INTS5: variants seen among roughly 807,000 people sequenced by gnomAD.
The protein encoded by INTS5 is KIAA1698.
A neutral mutation model predicts 60.0 loss-of-function variants in INTS5; 29 were observed. The observed-to-expected ratio is 0.48, with a 90% CI of 0.36 to 0.66. The LOEUF is 0.66. Ranked by LOEUF, INTS5 falls within the 30% of genes least tolerant of loss-of-function variation. The pLI is 0.00. For missense variants in INTS5, 1,129 were observed against 1,307.9 expected (o/e 0.86, Z 2.11); for synonymous variants, 588 against 558.8 (o/e 1.05, Z -0.74).
At position 62,649,097 on chromosome 11, in the gene INTS5, C is replaced by T. The variant is rs1373374218; in HGVS notation, c.983G>A (p.Arg328His). ...HDSLAGGSGG[R>H]SGDPSLQATV... ...GGCCTGAAGGGAGGGGTCCCCACTG[C>T]GGCCTCCAGATCCCCCTGCCAGGCT... The change falls in exon 2 of 2, where the codon CGC becomes CAC. Residue 328 changes from arginine (R) to histidine (H), a missense_variant. This residue lies in a region of INTS5 where 1,070 missense variants were observed against 1,246.1 expected (regional missense o/e 0.86). Transcript: ENST00000330574. This position sits in a 1 kb window ranked among gnomAD's most constrained non-coding sequence, Gnocchi z 6.0. The T allele has an allele frequency of 3.7e-6, 6 of 1,610,072 alleles. No individual in the cohort carries two copies. Among genetic ancestry groups the T allele is most frequent in the Middle Eastern group, 1.6e-4 (1 of 6,078 alleles).
chr11:62,651,835 A>C (rs1944596873), intron 1 of INTS5, among the ~76,000 whole-genome samples: 1 of 152,162 alleles, frequency 6.6e-6, no homozygotes, highest in Admixed American at 6.5e-5. Flanking sequence ...TGCACCCCAG[A>C]CTGTGTGCGC....
At position 62,647,566 on chromosome 11, in the gene INTS5, C is replaced by A. The variant is rs1449690744; in HGVS notation, c.2514G>T (p.Arg838=). The part of the protein sequence containing the change: ...ELAWPPEEHA[R]ATVERDLRIG... Reference sequence around the variant, plus strand: ...TGCGGAGATCCCGCTCCACGGTGGCCCGGGCGTGTTCCTCGGGGGGCCAGG... The same window carrying A: ...TGCGGAGATCCCGCTCCACGGTGGCACGGGCGTGTTCCTCGGGGGGCCAGG... The change falls in exon 2 of 2, where the codon CGG becomes CGT. Residue 838 remains arginine (R), a synonymous_variant. Coordinates refer to ENST00000330574, the MANE Select transcript of INTS5 (RefSeq NM_030628.2). The A allele has an allele frequency of 1.9e-6, 3 of 1,613,722 alleles. No individual in the cohort carries two copies. In the Admixed American group the frequency reaches 5.0e-5, roughly 27 times the overall value.
chr11:62,647,353 G>A lies in INTS5; in HGVS notation c.2727C>T (p.Thr909=), dbSNP rs745315958. The change falls in exon 2 of 2, where the codon ACC becomes ACT. Residue 909 remains threonine, a synonymous_variant. Coordinates refer to ENST00000330574, the MANE Select transcript of INTS5 (RefSeq NM_030628.2). ...TTCCCTCAGCCATGACAGCCACTAA[G>A]GTGCAGGATGCCTCCAGGTGCCAGG... The part of the protein sequence containing the change: ...HSPWHLEASC[T]LVAVMAEGSL... 21 of 1,613,742 alleles carry A rather than the reference G, an allele frequency of 1.3e-5. No individual in the cohort carries two copies. The highest frequency in any genetic ancestry group is 1.2e-4 in the African/African-American group (9 of 74,944).
chr11:62,647,039 A>T lies in INTS5; in HGVS notation c.3041T>A (p.Leu1014His). The change falls in exon 2 of 2, where the codon CTC becomes CAC. Residue 1014 changes from leucine (L) to histidine (H), a missense_variant. Physicochemically the swap from Leu to His is moderately conservative, Grantham distance 99. Transcript: ENST00000330574. ...GRFQAPSPST[L>H]LRQGT ...AAAAGGCTACGTCCCCTGTCGAAGGAGAGTGGACGGTGAAGGTGCCTGGAA... is the reference window on the plus strand; with the variant it reads ...AAAAGGCTACGTCCCCTGTCGAAGGTGAGTGGACGGTGAAGGTGCCTGGAA... 6.2e-7 allele frequency: 1 copy of T among 1,612,158 alleles called. No individual in the cohort carries two copies. The highest frequency in any genetic ancestry group is 1.3e-5 in the African/African-American group (1 of 74,962).
In INTS5 at chr11:62,646,938, G is replaced by A. The variant is rs1944518438; in HGVS notation, c.*82C>T. The A allele has an allele frequency of 1.7e-6, 2 of 1,181,410 alleles. No homozygotes were observed. The highest frequency in any genetic ancestry group is 1.2e-6 in the Non-Finnish European group (1 of 829,056). 73.2% of individuals were successfully genotyped at this position (1,181,410 alleles called of 1,614,324 possible). Reference sequence around the variant, plus strand: ...CTCTTTAGACCAAGGACTTAGAAGAGAAACCTCCACCCTTCCGGAGCACGT... The same window carrying A: ...CTCTTTAGACCAAGGACTTAGAAGAAAAACCTCCACCCTTCCGGAGCACGT... On this transcript the variant is annotated 3_prime_UTR_variant, in exon 2 of 2. Coordinates refer to ENST00000330574, the MANE Select transcript of INTS5 (RefSeq NM_030628.2).
At chr11:62,652,532 T>TA (rs1944604238) in intron 1 of INTS5, among the ~76,000 whole-genome samples, 1 of 152,052 alleles carries the variant, frequency 6.6e-6, no homozygotes, top group Non-Finnish European at 1.5e-5. Context: ...CACCACCACC[T>TA]ACTCAGCACC....
At position 62,647,152 on chromosome 11, in the gene INTS5, C is replaced by A. The variant is rs765791646; in HGVS notation, c.2928G>T (p.Glu976Asp). The A allele has an allele frequency of 6.2e-7, 1 of 1,614,200 alleles. No individual in the cohort carries two copies. The highest frequency in any genetic ancestry group is 1.7e-5 in the Admixed American group (1 of 60,016). The change falls in exon 2 of 2, where the codon GAG becomes GAT. Residue 976 changes from glutamate to aspartate, a missense_variant. Physicochemically the swap from Glu to Asp is conservative, Grantham distance 45. This residue lies in a region of INTS5 where 1,070 missense variants were observed against 1,246.1 expected (regional missense o/e 0.86). Transcript: ENST00000330574. ...RGRFIRDFSR[E>D]GGGEGGPHLA... ...GATGGGGTCCACCCTCACCTCCACC[C>A]TCCCTGGAGAAGTCCCGAATGAAGC...
At position 62,647,965 on chromosome 11, in the gene INTS5, A is replaced by G; in HGVS notation, c.2115T>C (p.Phe705=). 1 of 1,614,188 alleles carries G rather than the reference A, an allele frequency of 6.2e-7. No individual in the cohort carries two copies. The highest frequency in any genetic ancestry group is 8.5e-7 in the Non-Finnish European group (1 of 1,180,034). The part of the protein sequence containing the change: ...GALHRGNTEL[F]GGQVDGDNET... The stretch of plus-strand genomic sequence containing the variant: ...CATTGTCCCCATCTACTTGCCCACC[A>G]AACAGTTCTGTGTTGCCTCGATGTA... Residue 705 remains phenylalanine, a synonymous_variant, in exon 2 of 2, where the codon TTT becomes TTC. Coordinates refer to ENST00000330574, the MANE Select transcript of INTS5 (RefSeq NM_030628.2).
Position 62,647,156 on chromosome 11 carries a change from C to T in INTS5, c.2924G>A (p.Arg975Lys), listed in dbSNP as rs1259316386. The change falls in exon 2 of 2, where the codon AGG becomes AAG. Residue 975 changes from arginine to lysine, a missense_variant. Physicochemically the swap from Arg to Lys is conservative, Grantham distance 26. Around this residue, in one of 3 missense-constraint regions of INTS5, gnomAD observed 1,070 missense variants for 1,246.1 expected, o/e 0.86. Coordinates refer to ENST00000330574, the MANE Select transcript of INTS5 (RefSeq NM_030628.2). ...ERGRFIRDFS[R>K]EGGGEGGPHL... Reference sequence around the variant, plus strand: ...GGGTCCACCCTCACCTCCACCCTCCCTGGAGAAGTCCCGAATGAAGCGACC... The same window carrying T: ...GGGTCCACCCTCACCTCCACCCTCCTTGGAGAAGTCCCGAATGAAGCGACC... 1.9e-6 allele frequency: 3 copies of T among 1,614,218 alleles called. No individual in the cohort carries two copies. Among genetic ancestry groups the T allele is most frequent in the Non-Finnish European group, 2.5e-6 (3 of 1,180,044 alleles).
chr11:62,652,881 G>A (rs533652330), intron 1 of INTS5, among the ~76,000 whole-genome samples: 1 of 152,316 alleles, frequency 6.6e-6, no homozygotes, highest in South Asian at 2.1e-4. Context: ...AAAATGGCCA[G>A]GGCAGCTGGG....
In INTS5 at chr11:62,649,387, G is replaced by A. The variant is rs117991865; in HGVS notation, c.693C>T (p.Gly231=). 16,004 of 1,614,138 alleles carry A rather than the reference G, an allele frequency of 9.9e-3. 123 individuals carry two copies. Among genetic ancestry groups the A allele is most frequent in the Non-Finnish European group, 0.012 (14,615 of 1,180,016 alleles). ...PHFDWVVAHI[G]SSFPGTIISR... is the part of the protein sequence containing the mutation. Reference sequence around the variant, plus strand: ...AAATGATGGTGCCAGGAAAAGAGGAGCCAATATGTGCCACAACCCAGTCAA... The same window carrying A: ...AAATGATGGTGCCAGGAAAAGAGGAACCAATATGTGCCACAACCCAGTCAA... The change falls in exon 2 of 2, where the codon GGC becomes GGT. Residue 231 remains glycine, a synonymous_variant. Coordinates refer to ENST00000330574, the MANE Select transcript of INTS5 (RefSeq NM_030628.2). The surrounding 1 kb of genome is among the most constrained non-coding windows in gnomAD (Gnocchi z 6.0).
rs369774028 is a variant in INTS5, at chr11:62,648,232, A to T, written c.1848T>A (p.His616Gln). The change falls in exon 2 of 2, where the codon CAT (histidine) becomes CAA (glutamine). Residue 616 changes from histidine (H) to glutamine (Q), a missense_variant. Physicochemically the swap from His to Gln is conservative, Grantham distance 24. Around this residue, in one of 3 missense-constraint regions of INTS5, gnomAD observed 1,070 missense variants for 1,246.1 expected, o/e 0.86. Transcript: ENST00000330574. The surrounding 1 kb of genome is among the most constrained non-coding windows in gnomAD (Gnocchi z 4.4). ...HLSDLAPLLL[H>Q]PEEEVAEAAA... is the part of the protein sequence containing the mutation. Reference sequence around the variant, plus strand: ...CAGCTTCAGCTACTTCCTCCTCAGGATGTAGCAGGAGAGGAGCCAGGTCAG... The same window carrying T: ...CAGCTTCAGCTACTTCCTCCTCAGGTTGTAGCAGGAGAGGAGCCAGGTCAG... The T allele has an allele frequency of 2.5e-6, 4 of 1,613,674 alleles. No homozygotes were observed. Among genetic ancestry groups the T allele is most frequent in the Non-Finnish European group, 2.5e-6 (3 of 1,180,006 alleles).
rs1414454919 is a variant in INTS5, at chr11:62,646,880, A to C, written c.*140T>G. 4 of 827,200 alleles carry C rather than the reference A, an allele frequency of 4.8e-6. No homozygotes were observed. The African/African-American group carries it at 5.2e-5, about 11-fold the overall frequency. 51.2% of individuals were successfully genotyped at this position (827,200 alleles called of 1,614,324 possible). A position where few individuals can be genotyped will look rare whatever the true frequency, so the allele number is the denominator to read the frequency against. On this transcript the variant is annotated 3_prime_UTR_variant, in exon 2 of 2. Transcript: ENST00000330574. ...CTCAAGTTGGCAAATTTTATTTAGAAAAAAAAAAGTGGGAGAGAAAAAAGT... is the reference window on the plus strand; with the variant it reads ...CTCAAGTTGGCAAATTTTATTTAGACAAAAAAAAGTGGGAGAGAAAAAAGT...
intron 1 of INTS5, among the ~76,000 whole-genome samples, chr11:62,652,942 G>A (rs1454779226): frequency 6.6e-6 from 1 of 152,222 alleles, no homozygotes; most frequent in Admixed American, 6.5e-5. Flanking sequence ...GCCCGGGGTC[G>A]AGGGTAGTTA....
chr11:62,650,086 T>A, intron 1 of INTS5, 87 bp from the exon 2 acceptor site: 2 of 1,014,332 alleles, frequency 2.0e-6, no homozygotes, highest in Non-Finnish European at 2.9e-6. Flanking sequence ...CCTTTTATGT[T>A]AAATAGGGAT....
rs200297546 is a variant in INTS5, at chr11:62,649,464, C to G, written c.616G>C (p.Asp206His). The G allele has an allele frequency of 6.2e-7, 1 of 1,614,236 alleles. No individual in the cohort carries two copies. The highest frequency in any genetic ancestry group is 1.3e-5 in the African/African-American group (1 of 75,056). ...CLSALIGSCP[D>H]ACVDALLDTS... ...TCCAGCAAGGCATCCACACACGCAT[C>G]TGGGCAGCTACCAATGAGAGCCGAG... Residue 206 changes from aspartate to histidine, a missense_variant, in exon 2 of 2, where the codon GAT becomes CAT. By Grantham distance (81) the Asp-to-His change is moderately conservative. Around this residue, in one of 3 missense-constraint regions of INTS5, gnomAD observed 1,070 missense variants for 1,246.1 expected, o/e 0.86. Transcript: ENST00000330574. This position sits in a 1 kb window ranked among gnomAD's most constrained non-coding sequence, Gnocchi z 6.0.
chr11:62,651,133 G>A (rs568760813), intron 1 of INTS5, among the ~76,000 whole-genome samples: 1 of 150,868 alleles, frequency 6.6e-6, no homozygotes, highest in East Asian at 2.0e-4. Flanking sequence ...CGCCCCGAGA[G>A]GGAGTCTCGC....
At position 62,647,902 on chromosome 11, in the gene INTS5, G is replaced by T; in HGVS notation, c.2178C>A (p.Ala726=). The part of the protein sequence containing the change: ...LSVVSASLAS[A]SLLDTNRRHT... ...GCCTCCGGTTAGTGTCCAACAGGGA[G>T]GCAGAAGCCAAAGAAGCTGAAACAA... The change falls in exon 2 of 2, where the codon GCC becomes GCA. Residue 726 remains alanine, a synonymous_variant. Transcript: ENST00000330574. The T allele has an allele frequency of 1.2e-6, 2 of 1,614,232 alleles. No individual in the cohort carries two copies. The highest frequency in any genetic ancestry group is 1.7e-6 in the Non-Finnish European group (2 of 1,180,034).
chr11:62,647,324 A>C lies in INTS5; in HGVS notation c.2756T>G (p.Leu919Arg). The change falls in exon 2 of 2, where the codon CTC becomes CGC. Residue 919 changes from leucine to arginine, a missense_variant. Physicochemically the swap from Leu to Arg is moderately radical, Grantham distance 102. Around this residue, in one of 3 missense-constraint regions of INTS5, gnomAD observed 1,070 missense variants for 1,246.1 expected, o/e 0.86. Transcript: ENST00000330574. ...CATATTACCCAGGGCCGGAGGCAGG[A>C]GGCTTCCCTCAGCCATGACAGCCAC... ...TLVAVMAEGSLLPPALGNMHE... is the reference protein window; with the variant it reads ...TLVAVMAEGSRLPPALGNMHE... 6.2e-7 allele frequency: 1 copy of C among 1,614,060 alleles called. No individual in the cohort carries two copies. The highest frequency in any genetic ancestry group is 8.5e-7 in the Non-Finnish European group (1 of 1,180,042).
Sources: gnomAD v4.1 joint callset for allele counts (sites outside exome capture counted in the v4.1 genomes callset) on GRCh38, gnomAD v4.1.1 for gene constraint, gnomAD v4.1.1 regional missense constraint, Gnocchi (gnomAD v3.1) non-coding constraint, MANE v1.5 for transcripts, NCBI Gene and HGNC (gene_info 2026-07-23, HGNC 2026-07-21) for gene names.